The following CNTNAP2 variants were observed in gnomAD, a reference collection of about 807,000 sequenced individuals.
CNTNAP2 encodes the protein contactin-associated protein-like 2.
In CNTNAP2, 98 loss-of-function variants were observed where a neutral mutation model predicts 155.2. The ratio of observed to expected loss-of-function variants is 0.63; its 90% CI spans 0.54 to 0.75. The LOEUF (loss-of-function observed/expected upper bound fraction) is 0.75, where lower values mean the gene tolerates loss of function less well. Ranked by LOEUF, CNTNAP2 falls within the 30% of genes least tolerant of loss-of-function variation. The probability of loss-of-function intolerance (pLI) is 0.00; values close to 1 mark genes in which losing one functional copy is unlikely to be tolerated. For synonymous variants in CNTNAP2, 651 were observed against 631.2 expected (o/e 1.03, Z -0.47); for missense variants, 1,727 against 1,688.1 (o/e 1.02, Z -0.40).
At chr7:147,395,495 T>G in intron 9 of CNTNAP2, 114 bp from the exon 10 acceptor site, 1 of 1,028,936 alleles carries the variant, frequency 9.7e-7, no homozygotes. Flanking sequence ...TCAGCAAGGA[T>G]TAAAGAAACA....
chr7:147,152,931 G>A (rs537630120), intron 8 of CNTNAP2, among the ~76,000 whole-genome samples: 1 of 152,068 alleles, frequency 6.6e-6, no homozygotes, highest in Non-Finnish European at 1.5e-5. Context: ...GTTCATTCCT[G>A]AGCTTTTTCC....
At chr7:147,826,548 GA>G (rs1408583683) in intron 13 of CNTNAP2, among the ~76,000 whole-genome samples, 2 of 152,156 alleles carry the variant, frequency 1.3e-5, no homozygotes, top group Non-Finnish European at 2.9e-5. Flanking sequence ...CTATATATAT[GA>G]TCCATAGACT....
intron 3 of CNTNAP2, among the ~76,000 whole-genome samples, chr7:146,954,316 C>T (rs1272375767): frequency 2.0e-5 from 3 of 151,810 alleles, no homozygotes; most frequent in Non-Finnish European, 1.5e-5. Context: ...GTATGCTTTG[C>T]TGGAGCAGAA....
intron 9 of CNTNAP2, among the ~76,000 whole-genome samples, chr7:147,351,314 A>C (rs1795964958): frequency 6.6e-6 from 1 of 151,792 alleles, no homozygotes; most frequent in South Asian, 2.1e-4. Context: ...TAATTTCTGA[A>C]TATAAGCACA....
At chr7:146,385,586 AT>A (rs1378110668) in intron 1 of CNTNAP2, among the ~76,000 whole-genome samples, 17 of 152,172 alleles carry the variant, frequency 1.1e-4, no homozygotes, top group African/African-American at 3.9e-4. Flanking sequence ...TTGTACTTGA[AT>A]TTGGATGAGA....
At chr7:147,155,223 T>C (rs1204036903) in intron 8 of CNTNAP2, among the ~76,000 whole-genome samples, 1 of 152,162 alleles carries the variant, frequency 6.6e-6, no homozygotes, top group Non-Finnish European at 1.5e-5. Flanking sequence ...CCCTTGAGCC[T>C]TCTGCCATGT....
chr7:147,497,528 A>G (rs918530235), intron 11 of CNTNAP2, among the ~76,000 whole-genome samples: 5 of 152,212 alleles, frequency 3.3e-5, no homozygotes, highest in African/African-American at 1.2e-4. Context: ...AAGTGAGCCC[A>G]TCCAACTACA....
At chr7:147,253,403 T>A (rs1010948226) in intron 8 of CNTNAP2, among the ~76,000 whole-genome samples, 2 of 150,260 alleles carry the variant, frequency 1.3e-5, no homozygotes, top group Non-Finnish European at 3.0e-5. Flanking sequence ...TTTTTTTTTT[T>A]AGAAAAAGAT....
chr7:146,759,681 CAAAAAA>C lies in CNTNAP2; in HGVS notation c.98-14565_98-14560del, dbSNP rs376817827. ...CATCCTGGCAACACAGTGAGACTGTCAAAAAAAAAAAAAAAAAAAAAAAAAAAAAAG... is the reference window on the plus strand; with the variant it reads ...CATCCTGGCAACACAGTGAGACTGTCAAAAAAAAAAAAAAAAAAAAAAAAG... On this transcript the variant is annotated intron_variant, in intron 1 of 23. Coordinates refer to ENST00000361727, the MANE Select transcript of CNTNAP2 (RefSeq NM_014141.6). Among the ~76,000 whole-genome samples the C allele has an allele frequency of 1.3e-4, 7 of 54,646 alleles. 1 individual carries two copies. Among genetic ancestry groups the C allele is most frequent in the East Asian group, 1.8e-3 (2 of 1,106 alleles). The allele number at this position is 54,646 out of a possible 152,430, so 35.8% of individuals were successfully genotyped here.
chr7:148,209,740 T>G (rs1795510691), intron 18 of CNTNAP2, among the ~76,000 whole-genome samples: 1 of 152,200 alleles, frequency 6.6e-6, no homozygotes, highest in Non-Finnish European at 1.5e-5. Flanking sequence ...GAAATCAGAT[T>G]ATGTCACCTT....
At chr7:147,713,380 T>C (rs1796431669) in intron 13 of CNTNAP2, among the ~76,000 whole-genome samples, 1 of 152,158 alleles carries the variant, frequency 6.6e-6, no homozygotes, top group Non-Finnish European at 1.5e-5. Flanking sequence ...CCTCTATAGT[T>C]TTCCATCTAT....
rs369086037 is a variant in CNTNAP2 at position 147,430,199 on chromosome 7, A to G, written c.1670+34419A>G. 4.6e-5 allele frequency among the ~76,000 whole-genome samples: 7 copies of G among 152,340 alleles called. 1 individual carries two copies. The highest frequency in any genetic ancestry group is 1.7e-4 in the African/African-American group (7 of 41,576). On this transcript the variant is annotated intron_variant, in intron 10 of 23. Coordinates refer to ENST00000361727, the MANE Select transcript of CNTNAP2 (RefSeq NM_014141.6). ...CCTCTCAACTCACCATGAGCCAAATACAATTATTTTCTAAGTAAACATTTT... is the reference window on the plus strand; with the variant it reads ...CCTCTCAACTCACCATGAGCCAAATGCAATTATTTTCTAAGTAAACATTTT...
chr7:148,405,725 C>T (rs1447383424), intron 22 of CNTNAP2, among the ~76,000 whole-genome samples: 2 of 145,216 alleles, frequency 1.4e-5, no homozygotes, highest in Admixed American at 7.3e-5. Flanking sequence ...AAGTGATTCT[C>T]CTGCCTCAGC....
intron 8 of CNTNAP2, among the ~76,000 whole-genome samples, chr7:147,240,246 C>T: frequency 6.6e-6 from 1 of 152,114 alleles, no homozygotes; most frequent in Middle Eastern, 3.2e-3. Flanking sequence ...TAGCTTGAAC[C>T]CTGGAGAGTT....
intron 3 of CNTNAP2, among the ~76,000 whole-genome samples, chr7:147,019,696 G>A (rs994766774): frequency 3.9e-5 from 6 of 152,072 alleles, no homozygotes; most frequent in Non-Finnish European, 8.8e-5. Context: ...AAGATGGTTA[G>A]TCCCTAGTCA....
At chr7:148,119,880 A>G (rs1266276509) in intron 16 of CNTNAP2, among the ~76,000 whole-genome samples, 1 of 152,066 alleles carries the variant, frequency 6.6e-6, no homozygotes, top group Non-Finnish European at 1.5e-5. Context: ...TCTGATTGAA[A>G]GGGAGGCTAA....
chr7:147,339,193 T>G, intron 9 of CNTNAP2, among the ~76,000 whole-genome samples: 1 of 123,986 alleles, frequency 8.1e-6, no homozygotes, highest in South Asian at 2.3e-4. Context: ...TGTGATTTGC[T>G]TCCAAAAAAA....
Position 148,196,105 on chromosome 7 carries a change from A to G in CNTNAP2, c.3011-21183A>G, listed in dbSNP as rs141471028. ...AAGCAAAAACACAAACAGCATTTTTAAAGAGTTTCTAGGAGAATATCCCAT... is the reference window on the plus strand; with the variant it reads ...AAGCAAAAACACAAACAGCATTTTTGAAGAGTTTCTAGGAGAATATCCCAT... On this transcript the variant is annotated intron_variant, in intron 18 of 23. Transcript: ENST00000361727. 2.6e-4 allele frequency among the ~76,000 whole-genome samples: 39 copies of G among 152,336 alleles called. No individual in the cohort carries two copies. The East Asian group carries it at 6.7e-3, about 26-fold the overall frequency.
In CNTNAP2 at chr7:146,497,174, C is replaced by T. The variant is rs1206779162; in HGVS notation, c.98-277097C>T. On this transcript the variant is annotated intron_variant, in intron 1 of 23. Transcript: ENST00000361727. ...CTACTTATTGAATCTGGTCTCAGGA[C>T]TTAGTACTTTATCTCCTCTGTTTCT... 4.6e-5 allele frequency among the ~76,000 whole-genome samples: 7 copies of T among 152,258 alleles called. No homozygotes were observed. In the South Asian group the frequency reaches 1.5e-3, roughly 32 times the overall value.
Sources: allele counts gnomAD v4.1 joint callset (sites outside exome capture counted in the v4.1 genomes callset), GRCh38; gene constraint gnomAD v4.1.1; transcripts MANE v1.5; gene names NCBI Gene and HGNC (gene_info 2026-07-23, HGNC 2026-07-21).